Variants in CROCC observed in about 807,000 individuals in gnomAD.
CROCC encodes rootletin.
Under a neutral mutation model 245.2 loss-of-function variants are expected in CROCC, and 180 were observed. That is an observed-to-expected ratio of 0.73 (90% CI 0.65 to 0.83). The LOEUF (loss-of-function observed/expected upper bound fraction) is 0.83, where lower values mean the gene tolerates loss of function less well. Among genes scored for constraint, CROCC ranks in the 40% least tolerant of loss-of-function variants. CROCC has a pLI of 0.00. For missense variants in CROCC, 2,688 were observed against 2,779.4 expected, an observed-to-expected ratio of 0.97 and a Z score of 0.74; for synonymous variants, 1,205 against 1,241.6, an observed-to-expected ratio of 0.97 and a Z score of 0.62.
At chr1:16,924,264 T>G (rs1177899076) in intron 2 of CROCC, 61 bp from the exon 3 acceptor site, 1 of 1,581,742 alleles carries the variant, frequency 6.3e-7, no homozygotes, top group African/African-American at 1.3e-5. Context: ...GCCCTCCCTG[T>G]TGGGGGGAGG....
chr1:16,933,052 C>A (rs1570611300), intron 8 of CROCC, among the ~76,000 whole-genome samples: 1 of 152,166 alleles, frequency 6.6e-6, no homozygotes, highest in East Asian at 1.9e-4. Context: ...CCCAAGTGAT[C>A]CTCCTGCCTT....
At chr1:16,971,210 A>AGT (rs34364208) in intron 35 of CROCC, among the ~76,000 whole-genome samples, 15,433 of 143,878 alleles carry the variant, frequency 0.11, 820 homozygotes, top group South Asian at 0.15. Context: ...ATGATGTCTG[A>AGT]GTGTGTGTGT....
chr1:16,928,890 G>A (rs189735087), intron 3 of CROCC, among the ~76,000 whole-genome samples: 9,302 of 150,478 alleles, frequency 0.062, 77 homozygotes, highest in African/African-American at 0.12. Context: ...GCAGTGGCAC[G>A]ATCTCGGCTC....
chr1:16,944,241 A>C lies in CROCC; in HGVS notation c.1950A>C (p.Ala650=), dbSNP rs777219229. 6.4e-7 allele frequency: 1 copy of C among 1,552,722 alleles called. No homozygotes were observed. Among genetic ancestry groups the C allele is most frequent in the Non-Finnish European group, 8.7e-7 (1 of 1,148,106 alleles). ...RDRLEEEQED[A]VQDGARVRRE... ...GGCTGGAGGAAGAGCAGGAGGACGCAGTGCAGGATGGCGCGCGGGTGCGCC... is the reference window on the plus strand; with the variant it reads ...GGCTGGAGGAAGAGCAGGAGGACGCCGTGCAGGATGGCGCGCGGGTGCGCC... The change falls in exon 14 of 37, where the codon GCA becomes GCC. Residue 650 remains alanine (A), a synonymous_variant. Coordinates refer to ENST00000375541, the MANE Select transcript of CROCC (RefSeq NM_014675.5).
chr1:16,940,203 T>C, intron 13 of CROCC, 110 bp downstream of exon 13: 2 of 1,150,362 alleles, frequency 1.7e-6, no homozygotes, highest in African/African-American at 1.5e-5. Flanking sequence ...CGCCACTAGC[T>C]GCATGTGCCT....
At chr1:16,946,654 C>G in intron 16 of CROCC, 107 bp from the exon 17 acceptor site, 1 of 1,268,918 alleles carries the variant, frequency 7.9e-7, no homozygotes, top group Non-Finnish European at 1.1e-6. Context: ...CCCTCATTCC[C>G]TGGGAGCCTC....
chr1:16,928,417 T>C (rs2075584530), intron 3 of CROCC, among the ~76,000 whole-genome samples: 1 of 151,946 alleles, frequency 6.6e-6, no homozygotes. Flanking sequence ...GGTCTGAGGA[T>C]GTGCGGGATG....
chr1:16,937,366 CA>C (rs1181801684), intron 9 of CROCC, among the ~76,000 whole-genome samples: 3 of 145,542 alleles, frequency 2.1e-5, no homozygotes, highest in East Asian at 4.0e-4. Context: ...AAAAAAAAAA[CA>C]AAAAAAAAGA....
chr1:16,963,325 G>A (rs2076364275), intron 27 of CROCC, among the ~76,000 whole-genome samples: 1 of 152,024 alleles, frequency 6.6e-6, no homozygotes, highest in African/African-American at 2.4e-5. Context: ...CTCGGGGCGA[G>A]TAGGGAGGTC....
rs2076501703 is a variant in CROCC at position 16,970,647 on chromosome 1, G to A, written c.5664G>A (p.Glu1888=). The part of the protein sequence containing the change: ...LRRTLDKVER[E]KLRSHEDTVR... ...GCTCTCCTGCCTAGGTGGAGCGGGAGAAGCTTCGTAGCCATGAGGACACAG... is the reference window on the plus strand; with the variant it reads ...GCTCTCCTGCCTAGGTGGAGCGGGAAAAGCTTCGTAGCCATGAGGACACAG... The change falls in exon 35 of 37, where the codon GAG becomes GAA. Residue 1888 remains glutamate (E), a synonymous_variant. Coordinates refer to ENST00000375541, the MANE Select transcript of CROCC (RefSeq NM_014675.5). 2 of 1,555,130 alleles carry A rather than the reference G, an allele frequency of 1.3e-6. No homozygotes were observed.
At chr1:16,948,728 C>A in intron 18 of CROCC, 71 bp from the exon 19 acceptor site, 1 of 1,594,874 alleles carries the variant, frequency 6.3e-7, no homozygotes, top group Non-Finnish European at 8.5e-7. Context: ...CCTGGCCACT[C>A]CCTGAGATCC....
In CROCC at chr1:16,958,711, G is replaced by T; in HGVS notation, c.3993G>T (p.Leu1331=). The T allele has an allele frequency of 6.4e-7, 1 of 1,561,712 alleles. No homozygotes were observed. Among genetic ancestry groups the T allele is most frequent in the Non-Finnish European group, 8.7e-7 (1 of 1,153,818 alleles). ...RRETLGLRQR[L]LKGEASLEVM... ...AGACCCTGGGCCTCCGGCAGAGGCT[G>T]CTGAAGGGCGAGGCCAGCCTGGAGG... Residue 1331 remains leucine, a synonymous_variant, in exon 26 of 37, where the codon CTG becomes CTT. Coordinates refer to ENST00000375541, the MANE Select transcript of CROCC (RefSeq NM_014675.5).
chr1:16,947,138 C>G, intron 17 of CROCC, 147 bp downstream of exon 17: 1 of 784,520 alleles, frequency 1.3e-6, no homozygotes, highest in East Asian at 2.7e-5. Flanking sequence ...AGCTGGGGAC[C>G]TTGGACAAGC....
chr1:16,930,433 G>A lies in CROCC; in HGVS notation c.688G>A (p.Ala230Thr), dbSNP rs1196682178. Residue 230 changes from alanine to threonine, a missense_variant, in exon 7 of 37, where the codon GCC (alanine) becomes ACC (threonine). Coordinates refer to ENST00000375541, the MANE Select transcript of CROCC (RefSeq NM_014675.5). ...GATCCCCTGTGCCCCATTCAGGAGT[G>A]CCAGCCTGGCCCAGGTGAATGCCAT... is the stretch of plus-strand genomic sequence containing the variant. Reference protein sequence around the residue: ...IRLEEEQQRSASLAQVNAMLR... With the variant: ...IRLEEEQQRSTSLAQVNAMLR... 1 of 1,611,506 alleles carries A rather than the reference G, an allele frequency of 6.2e-7. No individual in the cohort carries two copies. Among genetic ancestry groups the A allele is most frequent in the Admixed American group, 1.7e-5 (1 of 60,004 alleles).
At position 16,939,016 on chromosome 1, in the gene CROCC, C is replaced by T. The variant is rs1303380690; in HGVS notation, c.1482C>T (p.Ser494=). The T allele has an allele frequency of 2.6e-5, 42 of 1,600,648 alleles. No individual in the cohort carries two copies. Among genetic ancestry groups the T allele is most frequent in the Non-Finnish European group, 3.2e-5 (38 of 1,175,824 alleles). Residue 494 remains serine, a synonymous_variant, in exon 12 of 37, where the codon TCC becomes TCT. Coordinates refer to ENST00000375541, the MANE Select transcript of CROCC (RefSeq NM_014675.5). ...LRGLSGQRTP[S]PPRRSSPGRG... The stretch of plus-strand genomic sequence containing the variant: ...GGCTCTCGGGCCAGCGGACCCCGTC[C>T]CCACCGCGGCGCTCCTCGCCCGGCC...
In CROCC at chr1:16,931,338, C is replaced by A. The variant is rs1410554281; in HGVS notation, c.897C>A (p.Leu299=). ...FSNEHSRLLL[L]WRQVVGFRRL... ...ACGAGCACAGTCGCCTGCTCCTCCT[C>A]TGGAGGCAGGTGGTGGGGTTCCGGC... Residue 299 remains leucine (L), a synonymous_variant, in exon 8 of 37, where the codon CTC becomes CTA. Transcript: ENST00000375541. 4.6e-5 allele frequency: 74 copies of A among 1,612,764 alleles called. No homozygotes were observed. Among genetic ancestry groups the A allele is most frequent in the Middle Eastern group, 1.6e-4 (1 of 6,074 alleles).
intron 32 of CROCC, 112 bp from the exon 33 acceptor site, chr1:16,969,673 A>G (rs1553161607): frequency 4.9e-6 from 7 of 1,438,546 alleles, no homozygotes; most frequent in Non-Finnish European, 2.8e-6. Flanking sequence ...CCCACCCTCC[A>G]GGTGAGATGA....
chr1:16,970,898 G>C, intron 35 of CROCC, 131 bp downstream of exon 35: 2 of 1,140,988 alleles, frequency 1.8e-6, no homozygotes, highest in Non-Finnish European at 2.3e-6. Context: ...GCCTTCCAGT[G>C]ACCCAGCGGG....
At chr1:16,970,156 G>C (rs769577231) in intron 33 of CROCC, 97 bp from the exon 34 acceptor site, 2 of 1,309,100 alleles carry the variant, frequency 1.5e-6, no homozygotes, top group Non-Finnish European at 2.0e-6. Flanking sequence ...CCTCACCGTC[G>C]CCTGCTCTGT....
Sources: gnomAD v4.1 joint callset for allele counts (sites outside exome capture counted in the v4.1 genomes callset) on GRCh38, gnomAD v4.1.1 for gene constraint, MANE v1.5 for transcripts, NCBI Gene and HGNC (gene_info 2026-07-23, HGNC 2026-07-21) for gene names.